STXBP5L: variants seen among roughly 807,000 people sequenced by gnomAD.
STXBP5L encodes the protein syntaxin-binding protein 5-like.
Under a neutral mutation model 144.5 loss-of-function variants are expected in STXBP5L, and 65 were observed. The observed-to-expected ratio is 0.45, with a 90% CI of 0.37 to 0.55. The LOEUF (loss-of-function observed/expected upper bound fraction) is 0.55. Ranked by LOEUF, STXBP5L falls within the 20% of genes least tolerant of loss-of-function variation. The pLI, the probability that STXBP5L is intolerant of heterozygous loss-of-function variation, is 0.00. For synonymous variants in STXBP5L, 505 were observed against 469.6 expected, an observed-to-expected ratio of 1.08 and a Z score of -0.97; for missense variants, 1,298 against 1,405.5, an observed-to-expected ratio of 0.92 and a Z score of 1.22.
chr3:121,341,253 T>C (rs1160037104), intron 20 of STXBP5L, among the ~76,000 whole-genome samples: 2 of 152,130 alleles, frequency 1.3e-5, no homozygotes, highest in Admixed American at 1.3e-4. Context: ...AAAACAGGTT[T>C]ATGTGCTCAA....
At chr3:121,311,711 G>A (rs2043535391) in intron 19 of STXBP5L, among the ~76,000 whole-genome samples, 1 of 152,144 alleles carries the variant, frequency 6.6e-6, no homozygotes, top group Admixed American at 6.5e-5. Context: ...ACAAATGGAA[G>A]AACATTCCAT....
Position 121,287,580 on chromosome 3 carries a change from C to T in STXBP5L, c.2110+7624C>T, listed in dbSNP as rs189649414. Among the ~76,000 whole-genome samples, 130 of 152,062 alleles carry T rather than the reference C, an allele frequency of 8.5e-4. 1 individual carries two copies. Among genetic ancestry groups the T allele is most frequent in the African/African-American group, 2.9e-3 (122 of 41,496 alleles). On this transcript the variant is annotated intron_variant, in intron 19 of 26. Transcript: ENST00000471454. ...GCGCGGTGGCTCATGCCTGTAATCCCAGCACTTTGGGAGGCTGAGGTGGGT... is the reference window on the plus strand; with the variant it reads ...GCGCGGTGGCTCATGCCTGTAATCCTAGCACTTTGGGAGGCTGAGGTGGGT...
At chr3:121,148,895 C>G (rs1336716055) in intron 7 of STXBP5L, among the ~76,000 whole-genome samples, 2 of 151,922 alleles carry the variant, frequency 1.3e-5, no homozygotes, top group African/African-American at 4.8e-5. Context: ...CAATGAAATG[C>G]TATTTTAATA....
At chr3:121,079,105 G>T (rs143285583) in intron 5 of STXBP5L, among the ~76,000 whole-genome samples, 1 of 152,276 alleles carries the variant, frequency 6.6e-6, no homozygotes, top group Non-Finnish European at 1.5e-5. Context: ...CTGCCAGCAC[G>T]CTGTCACCAC....
rs567779165 is a variant in STXBP5L, at chr3:121,170,326, G to A, written c.877+12699G>A. Among the ~76,000 whole-genome samples the A allele has an allele frequency of 1.4e-4, 22 of 152,010 alleles. No individual in the cohort carries two copies. In the South Asian group the frequency reaches 4.6e-3, roughly 32 times the overall value. On this transcript the variant is annotated intron_variant, in intron 9 of 26. Transcript: ENST00000471454. The stretch of plus-strand genomic sequence containing the variant: ...GAAACATATTCAAAAGCTAGCAGAA[G>A]ACAAGAAATAACTAAGATCAGAGCA...
At chr3:121,166,441 T>C (rs934177153) in intron 9 of STXBP5L, among the ~76,000 whole-genome samples, 7 of 152,226 alleles carry the variant, frequency 4.6e-5, no homozygotes, top group Non-Finnish European at 1.0e-4. Flanking sequence ...TGAAATTAAT[T>C]TTCTTAATTT....
chr3:121,076,960 A>G (rs1576869994), intron 5 of STXBP5L, among the ~76,000 whole-genome samples: 2 of 152,176 alleles, frequency 1.3e-5, no homozygotes, highest in South Asian at 2.1e-4. Flanking sequence ...AACTGGTTCT[A>G]TGGACTGTAT....
At chr3:121,081,574 G>T (rs955611135) in intron 5 of STXBP5L, among the ~76,000 whole-genome samples, 4 of 152,112 alleles carry the variant, frequency 2.6e-5, no homozygotes, top group Non-Finnish European at 5.9e-5. Context: ...GGTTAGAATG[G>T]CAGGGATCTC....
chr3:121,342,709 T>A (rs9845877), intron 20 of STXBP5L, among the ~76,000 whole-genome samples: 1 of 149,242 alleles, frequency 6.7e-6, no homozygotes, highest in African/African-American at 2.5e-5. Flanking sequence ...GTATACCATG[T>A]TGTATATGTG....
At chr3:121,389,716 G>A (rs2046526819) in intron 22 of STXBP5L, among the ~76,000 whole-genome samples, 1 of 152,146 alleles carries the variant, frequency 6.6e-6, no homozygotes, top group Admixed American at 6.5e-5. Context: ...TCTTAATCCT[G>A]AGTTCAAATT....
At chr3:121,008,870 T>C (rs528886293) in intron 3 of STXBP5L, among the ~76,000 whole-genome samples, 7 of 152,162 alleles carry the variant, frequency 4.6e-5, no homozygotes, top group African/African-American at 1.4e-4. Context: ...GTAGCAATTG[T>C]AATAAATAAA....
At chr3:121,189,657 A>T (rs1306126937) in intron 9 of STXBP5L, among the ~76,000 whole-genome samples, 1 of 152,190 alleles carries the variant, frequency 6.6e-6, no homozygotes. Flanking sequence ...AGGTAGCGTG[A>T]TGCCTCCAGC....
At chr3:121,234,370 A>G (rs964861162) in intron 12 of STXBP5L, among the ~76,000 whole-genome samples, 2 of 152,060 alleles carry the variant, frequency 1.3e-5, no homozygotes, top group Admixed American at 6.6e-5. Flanking sequence ...CTTCTTATTA[A>G]TATCTGTAAG....
rs145703750 is a variant in STXBP5L at position 121,354,508 on chromosome 3, C to CTTTTTTTTTTT, written c.2177-24197_2177-24187dup. ...GTCAGAGGCTAGAATTGCAACCCTG[C>CTTTTTTTTTTT]TTTTTTTTTTTTTTTTTTTTTGCTC... On this transcript the variant is annotated intron_variant, in intron 20 of 26. Coordinates refer to ENST00000471454, the MANE Select transcript of STXBP5L (RefSeq NM_001308330.2). 2.1e-4 allele frequency among the ~76,000 whole-genome samples: 14 copies of CTTTTTTTTTTT among 67,542 alleles called. 1 individual carries two copies. The highest frequency in any genetic ancestry group is 5.5e-4 in the East Asian group (1 of 1,808). 44.3% of individuals were successfully genotyped at this position (67,542 alleles called of 152,430 possible).
chr3:120,967,944 A>G (rs896292546), intron 3 of STXBP5L, among the ~76,000 whole-genome samples: 2 of 152,162 alleles, frequency 1.3e-5, no homozygotes, highest in Non-Finnish European at 1.5e-5. Context: ...TTCTAATTTT[A>G]TCCCATTATG....
At chr3:120,993,482 C>G (rs890125548) in intron 3 of STXBP5L, among the ~76,000 whole-genome samples, 1 of 151,880 alleles carries the variant, frequency 6.6e-6, no homozygotes, top group Non-Finnish European at 1.5e-5. Flanking sequence ...TTGAGTTTTG[C>G]GTATTCTGAG....
At chr3:121,311,723 T>C (rs951260274) in intron 19 of STXBP5L, among the ~76,000 whole-genome samples, 1 of 152,146 alleles carries the variant, frequency 6.6e-6, no homozygotes, top group Non-Finnish European at 1.5e-5. Flanking sequence ...ACATTCCATG[T>C]TCATGGGTAG....
At chr3:121,322,266 G>A (rs1168737397) in intron 20 of STXBP5L, among the ~76,000 whole-genome samples, 2 of 152,132 alleles carry the variant, frequency 1.3e-5, no homozygotes, top group Non-Finnish European at 2.9e-5. Context: ...ATCACCTGAG[G>A]TTGGGGGTTT....
At chr3:121,097,955 T>A (rs2043215146) in intron 5 of STXBP5L, among the ~76,000 whole-genome samples, 2 of 152,198 alleles carry the variant, frequency 1.3e-5, no homozygotes, top group Non-Finnish European at 2.9e-5. Flanking sequence ...AGCCAAGCAA[T>A]ACTCCCATTT....
Sources: allele counts gnomAD v4.1 joint callset (sites outside exome capture counted in the v4.1 genomes callset), GRCh38; gene constraint gnomAD v4.1.1; transcripts MANE v1.5; gene names NCBI Gene and HGNC (gene_info 2026-07-23, HGNC 2026-07-21).